The following USP13 variants were observed in gnomAD, a reference collection of about 807,000 sequenced individuals.
USP13 encodes ubiquitin specific peptidase 13, also known as ubiquitin carboxyl-terminal hydrolase 13.
Under a neutral mutation model 107.8 loss-of-function variants are expected in USP13, and 68 were observed. The observed-to-expected ratio is 0.63, with a 90% CI of 0.52 to 0.77. The LOEUF is 0.77. Ranked by LOEUF, USP13 falls within the 30% of genes least tolerant of loss-of-function variation. The probability of loss-of-function intolerance (pLI) is 0.00; values close to 1 mark genes in which losing one functional copy is unlikely to be tolerated. For synonymous variants in USP13, 377 were observed against 389.5 expected (o/e 0.97, Z 0.38); for missense variants, 945 against 1,093.3 (o/e 0.86, Z 1.91).
In USP13 at chr3:179,653,512, G is replaced by A. The variant is rs1225513034; in HGVS notation, c.168+119G>A. 8 of 1,376,756 alleles carry A rather than the reference G, an allele frequency of 5.8e-6. No homozygotes were observed. The highest frequency in any genetic ancestry group is 2.0e-6 in the Non-Finnish European group (2 of 1,021,506). 85.3% of individuals were successfully genotyped at this position (1,376,756 alleles called of 1,614,324 possible). ...TCTCTTCCTCCGGGCGGCAGAGTTGGCTCAGGAACACTGCAGTTCGGCAGA... is the reference window on the plus strand; with the variant it reads ...TCTCTTCCTCCGGGCGGCAGAGTTGACTCAGGAACACTGCAGTTCGGCAGA... On this transcript the variant is annotated intron_variant, in intron 1 of 20. Coordinates refer to ENST00000263966, the MANE Select transcript of USP13 (RefSeq NM_003940.3). The surrounding 1 kb of genome is among the most constrained non-coding windows in gnomAD (Gnocchi z 4.0).
intron 4 of USP13, among the ~76,000 whole-genome samples, chr3:179,704,069 G>A (rs1439173965): frequency 2.6e-5 from 4 of 151,648 alleles, no homozygotes; most frequent in Non-Finnish European, 5.9e-5. Flanking sequence ...AACATATCCA[G>A]GGAAAAATAG....
rs1235835202 is a variant in USP13 at position 179,742,052 on chromosome 3, A to G, written c.1381-145A>G. 16 of 948,356 alleles carry G rather than the reference A, an allele frequency of 1.7e-5. No individual in the cohort carries two copies. The East Asian group carries it at 4.1e-4, about 24-fold the overall frequency. The allele number at this position is 948,356 out of a possible 1,614,324, so 58.7% of individuals were successfully genotyped here. On this transcript the variant is annotated intron_variant, in intron 11 of 20. Coordinates refer to ENST00000263966, the MANE Select transcript of USP13 (RefSeq NM_003940.3). This position sits in a 1 kb window ranked among gnomAD's most constrained non-coding sequence, Gnocchi z 5.0. ...TTTAGATAAATTCCAGTGTTTTTCT[A>G]TTAAAGTGCTTTGGTGAATGGGCAT...
chr3:179,699,315 T>C (rs912360056), intron 3 of USP13, among the ~76,000 whole-genome samples: 1 of 152,222 alleles, frequency 6.6e-6, no homozygotes, highest in Non-Finnish European at 1.5e-5. Flanking sequence ...ACTTCTTTAA[T>C]ATTACATTTT....
Position 179,742,170 on chromosome 3 carries a change from A to G in USP13, c.1381-27A>G. On this transcript the variant is annotated intron_variant, in intron 11 of 20. Transcript: ENST00000263966. This position sits in a 1 kb window ranked among gnomAD's most constrained non-coding sequence, Gnocchi z 5.0. ...TTAGTGGCTCAATATTCATACATTTACTAACCTGATACAATCCATCCTTCA... is the reference window on the plus strand; with the variant it reads ...TTAGTGGCTCAATATTCATACATTTGCTAACCTGATACAATCCATCCTTCA... The G allele has an allele frequency of 2.5e-6, 4 of 1,614,012 alleles. No homozygotes were observed. The highest frequency in any genetic ancestry group is 3.4e-6 in the Non-Finnish European group (4 of 1,179,902).
intron 19 of USP13, among the ~76,000 whole-genome samples, chr3:179,774,841 A>C (rs546792941): frequency 9.1e-4 from 138 of 152,068 alleles, no homozygotes; most frequent in South Asian, 4.2e-3. Context: ...TGATTGGTCC[A>C]TTTTGACAGG....
At chr3:179,735,433 G>T (rs1302145242) in intron 10 of USP13, among the ~76,000 whole-genome samples, 3 of 150,640 alleles carry the variant, frequency 2.0e-5, no homozygotes, top group Non-Finnish European at 4.4e-5. Context: ...TTTTTTTAAA[G>T]GAAAAATTAT....
At chr3:179,718,693 T>C (rs1713192934) in intron 6 of USP13, among the ~76,000 whole-genome samples, 1 of 152,152 alleles carries the variant, frequency 6.6e-6, no homozygotes, top group African/African-American at 2.4e-5. Flanking sequence ...ACTGTGCACC[T>C]GAAGATCTCG....
In USP13 at chr3:179,787,447, C is replaced by G. The variant is rs767753350; in HGVS notation, c.*3306C>G. The G allele has an allele frequency of 6.6e-6, 1 of 152,184 alleles. No homozygotes were observed. The highest frequency in any genetic ancestry group is 1.5e-5 in the Non-Finnish European group (1 of 68,044). The allele number at this position is 152,184 out of a possible 1,614,324, so 9.4% of individuals were successfully genotyped here. On this transcript the variant is annotated 3_prime_UTR_variant, in exon 21 of 21. Transcript: ENST00000263966. ...CTGTGGTTACCACTAGGGTCTGACA[C>G]GTAAAATGTGAGGGATCACTTAGAG...
At chr3:179,715,828 C>T (rs1404005848) in intron 6 of USP13, among the ~76,000 whole-genome samples, 2 of 152,192 alleles carry the variant, frequency 1.3e-5, no homozygotes, top group Non-Finnish European at 2.9e-5. Flanking sequence ...TTCATTTTCT[C>T]CTCTCCGATT....
chr3:179,683,042 T>C (rs1440981873), intron 2 of USP13, among the ~76,000 whole-genome samples: 5 of 152,092 alleles, frequency 3.3e-5, no homozygotes, highest in Non-Finnish European at 4.4e-5. Flanking sequence ...CACATCTCTT[T>C]GTACTTTCTA....
At chr3:179,673,947 C>G (rs1370366262) in intron 1 of USP13, among the ~76,000 whole-genome samples, 3 of 152,174 alleles carry the variant, frequency 2.0e-5, no homozygotes, top group Admixed American at 2.0e-4. Flanking sequence ...GGCTGGAGTG[C>G]AATGGCGCGA....
intron 6 of USP13, among the ~76,000 whole-genome samples, chr3:179,719,220 C>T (rs570489322): frequency 9.2e-5 from 14 of 152,134 alleles, no homozygotes; most frequent in Admixed American, 3.9e-4. Context: ...TCCCAGAGGC[C>T]CTGGGGCAGT....
chr3:179,760,282 G>GTTTTTTTTT (rs1363561918), intron 16 of USP13, among the ~76,000 whole-genome samples: 1 of 123,466 alleles, frequency 8.1e-6, no homozygotes, highest in African/African-American at 3.1e-5. Context: ...GTCTCTTAAT[G>GTTTTTTTTT]TTTTTTTTTT....
rs116058030 is a variant in USP13 at position 179,682,674 on chromosome 3, G to A, written c.294+671G>A. Among the ~76,000 whole-genome samples, 662 of 152,110 alleles carry A rather than the reference G, an allele frequency of 4.4e-3. 8 individuals carry two copies. Among genetic ancestry groups the A allele is most frequent in the African/African-American group, 0.015 (625 of 41,472 alleles). ...GTATTTAATTCATTTCAATAGTTTGGTTTTTCATCTTATGAGTACCTTGTA... is the reference window on the plus strand; with the variant it reads ...GTATTTAATTCATTTCAATAGTTTGATTTTTCATCTTATGAGTACCTTGTA... On this transcript the variant is annotated intron_variant, in intron 2 of 20. Transcript: ENST00000263966.
intron 6 of USP13, among the ~76,000 whole-genome samples, chr3:179,718,066 G>A (rs981577133): frequency 6.6e-6 from 1 of 152,078 alleles, no homozygotes; most frequent in East Asian, 1.9e-4. Flanking sequence ...GTTCCAAGGA[G>A]TAGGGAGCTC....
intron 19 of USP13, among the ~76,000 whole-genome samples, chr3:179,774,984 C>T (rs964747779): frequency 6.6e-6 from 1 of 151,910 alleles, no homozygotes; most frequent in Non-Finnish European, 1.5e-5. Flanking sequence ...CTGATTGGTG[C>T]GTTTACAAAC....
intron 2 of USP13, among the ~76,000 whole-genome samples, chr3:179,682,363 G>A (rs1229333503): frequency 7.5e-6 from 1 of 132,850 alleles, no homozygotes; most frequent in African/African-American, 2.6e-5. Flanking sequence ...GTTTTGTTTT[G>A]TTTTTTAGTA....
At chr3:179,660,767 A>G (rs916387956) in intron 1 of USP13, among the ~76,000 whole-genome samples, 1 of 152,242 alleles carries the variant, frequency 6.6e-6, no homozygotes, top group Non-Finnish European at 1.5e-5. Context: ...AAACTGATAC[A>G]AGGTAGTAAA....
At chr3:179,719,556 G>C (rs1713232916) in intron 6 of USP13, among the ~76,000 whole-genome samples, 1 of 152,170 alleles carries the variant, frequency 6.6e-6, no homozygotes, top group Non-Finnish European at 1.5e-5. Flanking sequence ...GCGGATGGCC[G>C]TCATCCCCTC....
Sources: gnomAD v4.1 joint callset for allele counts (sites outside exome capture counted in the v4.1 genomes callset) on GRCh38, gnomAD v4.1.1 for gene constraint, Gnocchi (gnomAD v3.1) non-coding constraint, MANE v1.5 for transcripts, NCBI Gene and HGNC (gene_info 2026-07-23, HGNC 2026-07-21) for gene names.